KDM4C: variants seen among roughly 807,000 people sequenced by gnomAD.
KDM4C encodes the protein lysine demethylase 4C.
In KDM4C, 81 loss-of-function variants were observed where a neutral mutation model predicts 129.3. That is an observed-to-expected ratio of 0.63 (90% CI 0.52 to 0.75). The LOEUF (loss-of-function observed/expected upper bound fraction) is 0.75. Among genes scored for constraint, KDM4C ranks in the 30% least tolerant of loss-of-function variants. The pLI, the probability that KDM4C is intolerant of heterozygous loss-of-function variation, is 0.00. For synonymous variants in KDM4C, 573 were observed against 456.1 expected, an observed-to-expected ratio of 1.26 and a Z score of -3.26; for missense variants, 1,457 against 1,304.0, an observed-to-expected ratio of 1.12 and a Z score of -1.81.
At chr9:6,841,503 A>AT (rs1836903175) in intron 4 of KDM4C, among the ~76,000 whole-genome samples, 1 of 152,238 alleles carries the variant, frequency 6.6e-6, no homozygotes, top group Admixed American at 6.5e-5. Flanking sequence ...TACCATAAAA[A>AT]TATGATTAGT....
intron 7 of KDM4C, among the ~76,000 whole-genome samples, chr9:6,890,936 G>T (rs1181250561): frequency 6.6e-6 from 1 of 152,222 alleles, no homozygotes; most frequent in Non-Finnish European, 1.5e-5. Context: ...TCTGCTGCCA[G>T]GTGACAACTG....
intron 8 of KDM4C, among the ~76,000 whole-genome samples, chr9:6,919,223 C>CTTTCTTTCTTTCTTTTTCT (rs532687391): frequency 2.8e-5 from 3 of 109,036 alleles, no homozygotes; most frequent in African/African-American, 9.2e-5. Flanking sequence ...TTTCTTTTTC[C>CTTTCTTTCTTTCTTTTTCT]TTCTTTCTTT....
intron 17 of KDM4C, among the ~76,000 whole-genome samples, chr9:7,072,841 G>A (rs941743834): frequency 2.0e-5 from 3 of 152,142 alleles, no homozygotes; most frequent in African/African-American, 7.2e-5. Flanking sequence ...TACAATCATT[G>A]TACATACTTA....
intron 8 of KDM4C, among the ~76,000 whole-genome samples, chr9:6,920,429 G>A (rs1194063952): frequency 6.6e-6 from 1 of 152,170 alleles, no homozygotes; most frequent in Non-Finnish European, 1.5e-5. Flanking sequence ...TGGGCTTGGT[G>A]GTGGGCACCT....
chr9:6,849,398 A>G (rs1345503970), intron 4 of KDM4C, 109 bp from the exon 5 acceptor site: 3 of 839,162 alleles, frequency 3.6e-6, no homozygotes, highest in East Asian at 5.3e-5. Context: ...TCAGTTAGTT[A>G]GAATATACAA....
chr9:7,011,399 C>T (rs756039971), intron 12 of KDM4C, among the ~76,000 whole-genome samples: 5 of 151,942 alleles, frequency 3.3e-5, no homozygotes, highest in African/African-American at 7.3e-5. Flanking sequence ...AGTAGAGACA[C>T]GGAAGAAGTA....
At chr9:6,843,297 G>A (rs1015621797) in intron 4 of KDM4C, among the ~76,000 whole-genome samples, 1 of 152,212 alleles carries the variant, frequency 6.6e-6, no homozygotes, top group African/African-American at 2.4e-5. Context: ...TGAATCCGTC[G>A]AGGTGCCCCT....
chr9:6,769,595 A>G (rs1241640861), intron 1 of KDM4C, among the ~76,000 whole-genome samples: 1 of 152,014 alleles, frequency 6.6e-6, no homozygotes, highest in African/African-American at 2.4e-5. Context: ...GTTAAAGCAC[A>G]GTAAAGAACC....
chr9:6,891,521 G>A (rs201586148), intron 7 of KDM4C, among the ~76,000 whole-genome samples: 2 of 152,226 alleles, frequency 1.3e-5, no homozygotes, highest in East Asian at 3.9e-4. Flanking sequence ...GAGGGGCTTG[G>A]GGATGACAGC....
intron 2 of KDM4C, among the ~76,000 whole-genome samples, chr9:6,797,458 T>C (rs1827954751): frequency 6.6e-6 from 1 of 151,966 alleles, no homozygotes. Context: ...ATTTTTTGAG[T>C]GGAAGGTTTG....
intron 8 of KDM4C, among the ~76,000 whole-genome samples, chr9:6,898,673 G>A (rs1452668315): frequency 6.6e-6 from 1 of 152,160 alleles, no homozygotes; most frequent in Admixed American, 6.5e-5. Flanking sequence ...CCTTTAATCT[G>A]GCAGGGGTTT....
chr9:7,103,567 G>C, intron 17 of KDM4C, 118 bp from the exon 18 acceptor site: 1 of 792,704 alleles, frequency 1.3e-6, no homozygotes, highest in South Asian at 1.8e-5. Flanking sequence ...AGGACTTGTT[G>C]ATGTAATCAG....
chr9:6,833,045 T>C (rs760731309), intron 4 of KDM4C, among the ~76,000 whole-genome samples: 2 of 152,034 alleles, frequency 1.3e-5, no homozygotes, highest in Non-Finnish European at 2.9e-5. Context: ...CGTAAAGTAG[T>C]ATAGATTATT....
chr9:7,052,909 GTGCC>G (rs1830400872), intron 17 of KDM4C, among the ~76,000 whole-genome samples: 4 of 100,166 alleles, frequency 4.0e-5, no homozygotes, highest in South Asian at 3.8e-4. Flanking sequence ...GAGCGAGCGA[GTGCC>G]CAAGGGATGA....
chr9:6,764,703 T>A (rs558459044), intron 1 of KDM4C, among the ~76,000 whole-genome samples: 1 of 152,222 alleles, frequency 6.6e-6, no homozygotes, highest in Non-Finnish European at 1.5e-5. Flanking sequence ...TATTCTGGAT[T>A]CTTCTGGGTT....
rs979699943 is a variant in KDM4C at position 7,016,510 on chromosome 9, T to C, written c.2259+581T>C. Reference sequence around the variant, plus strand: ...GGCGTGAGCTCAGCTCATTGCAACCTCCGCCTCCCAGGTTAAGCAATTCTC... The same window carrying C: ...GGCGTGAGCTCAGCTCATTGCAACCCCCGCCTCCCAGGTTAAGCAATTCTC... On this transcript the variant is annotated intron_variant, in intron 15 of 21. Transcript: ENST00000381309. Among the ~76,000 whole-genome samples, 46 of 134,930 alleles carry C rather than the reference T, an allele frequency of 3.4e-4. 1 individual carries two copies. The Admixed American group carries it at 3.8e-3, about 11-fold the overall frequency. The allele number at this position is 134,930 out of a possible 152,430, so 88.5% of individuals were successfully genotyped here. A position where few individuals can be genotyped will look rare whatever the true frequency, so the allele number is the denominator to read the frequency against.
intron 4 of KDM4C, among the ~76,000 whole-genome samples, chr9:6,819,972 G>A (rs1278830360): frequency 6.6e-6 from 1 of 152,012 alleles, no homozygotes; most frequent in Admixed American, 6.6e-5. Context: ...TCTAGTGGTA[G>A]CTATTTACCT....
At chr9:6,772,780 C>T (rs1455953208) in intron 1 of KDM4C, among the ~76,000 whole-genome samples, 1 of 150,358 alleles carries the variant, frequency 6.7e-6, no homozygotes, top group African/African-American at 2.5e-5. Flanking sequence ...GCAGCCTCTG[C>T]CCCCCGGATT....
At chr9:6,803,819 T>TTTTAA (rs946946513) in intron 2 of KDM4C, among the ~76,000 whole-genome samples, 3 of 151,910 alleles carry the variant, frequency 2.0e-5, no homozygotes, top group Non-Finnish European at 2.9e-5. Flanking sequence ...GTACGTTCTA[T>TTTTAA]TTTAATTTAA....
Sources: gnomAD v4.1 joint callset for allele counts (sites outside exome capture counted in the v4.1 genomes callset) on GRCh38, gnomAD v4.1.1 for gene constraint, MANE v1.5 for transcripts, NCBI Gene and HGNC (gene_info 2026-07-23, HGNC 2026-07-21) for gene names.